RIC1: variants seen among roughly 807,000 people sequenced by gnomAD.
RIC1 encodes RIC1 partner of RAB6A GEF complex.
In RIC1, 88 loss-of-function variants were observed where a neutral mutation model predicts 169.0. The observed-to-expected ratio is 0.52, with a 90% CI of 0.44 to 0.62. The LOEUF is 0.62. Among genes scored for constraint, RIC1 ranks in the 20% least tolerant of loss-of-function variants. RIC1 has a pLI of 0.00. For synonymous variants in RIC1, 790 were observed against 601.5 expected (o/e 1.31, Z -4.59); for missense variants, 1,877 against 1,725.5 (o/e 1.09, Z -1.56).
intron 1 of RIC1, among the ~76,000 whole-genome samples, chr9:5,641,062 G>A (rs1274622557): frequency 4.0e-5 from 6 of 149,136 alleles, no homozygotes; most frequent in African/African-American, 1.5e-4. Flanking sequence ...ACTATCCTTT[G>A]AGAGTTTGTT....
At chr9:5,631,519 C>G (rs546529409) in intron 1 of RIC1, among the ~76,000 whole-genome samples, 1 of 151,888 alleles carries the variant, frequency 6.6e-6, no homozygotes, top group East Asian at 1.9e-4. Flanking sequence ...AATCCCGTCT[C>G]TACTAAAAAT....
chr9:5,723,478 A>G (rs1040494593), intron 6 of RIC1, among the ~76,000 whole-genome samples: 2 of 152,104 alleles, frequency 1.3e-5, no homozygotes, highest in Non-Finnish European at 1.5e-5. Context: ...AGATGGGTAG[A>G]TGGTAAAAAT....
At chr9:5,637,784 A>G (rs1333998637) in intron 1 of RIC1, among the ~76,000 whole-genome samples, 1 of 152,172 alleles carries the variant, frequency 6.6e-6, no homozygotes, top group Non-Finnish European at 1.5e-5. Flanking sequence ...GTTGTAAATG[A>G]CCGGATCTCA....
At chr9:5,740,513 T>C (rs1038426561) in intron 8 of RIC1, among the ~76,000 whole-genome samples, 6 of 151,868 alleles carry the variant, frequency 4.0e-5, no homozygotes, top group African/African-American at 1.2e-4. Flanking sequence ...AATGATCACA[T>C]GATCACAAGG....
intron 6 of RIC1, among the ~76,000 whole-genome samples, chr9:5,723,230 G>C (rs1823723021): frequency 6.6e-6 from 1 of 152,126 alleles, no homozygotes; most frequent in African/African-American, 2.4e-5. Context: ...TGTTTCCTAA[G>C]TTTTTAATGA....
chr9:5,640,039 T>C (rs1311153502), intron 1 of RIC1, among the ~76,000 whole-genome samples: 2 of 152,190 alleles, frequency 1.3e-5, no homozygotes, highest in Non-Finnish European at 2.9e-5. Context: ...TCTCTGTCTT[T>C]TGATTGGAGA....
At chr9:5,634,111 A>G (rs1359215135) in intron 1 of RIC1, among the ~76,000 whole-genome samples, 2 of 152,092 alleles carry the variant, frequency 1.3e-5, no homozygotes, top group African/African-American at 4.8e-5. Flanking sequence ...TGTGTGTGTT[A>G]CATTTTCTTT....
intron 3 of RIC1, among the ~76,000 whole-genome samples, chr9:5,702,995 A>T (rs1332533929): frequency 6.6e-6 from 1 of 152,172 alleles, no homozygotes; most frequent in Non-Finnish European, 1.5e-5. Context: ...AGATTTGTGT[A>T]GGGACAGAGA....
At chr9:5,639,200 C>A (rs142158029) in intron 1 of RIC1, among the ~76,000 whole-genome samples, 1 of 152,152 alleles carries the variant, frequency 6.6e-6, no homozygotes, top group Non-Finnish European at 1.5e-5. Flanking sequence ...CCACTATACC[C>A]GGCCATTTTT....
At chr9:5,704,687 ATT>A (rs1292613214) in intron 3 of RIC1, among the ~76,000 whole-genome samples, 1 of 152,090 alleles carries the variant, frequency 6.6e-6, no homozygotes, top group African/African-American at 2.4e-5. Flanking sequence ...ATGAAGTCCA[ATT>A]TATATATATA....
chr9:5,681,365 T>G (rs893113915), intron 2 of RIC1, among the ~76,000 whole-genome samples: 2 of 152,210 alleles, frequency 1.3e-5, no homozygotes, highest in Non-Finnish European at 2.9e-5. Flanking sequence ...ATGTTGTGTC[T>G]TTGTTCTCGT....
chr9:5,728,038 C>T (rs1447933296), intron 6 of RIC1, among the ~76,000 whole-genome samples: 1 of 152,192 alleles, frequency 6.6e-6, no homozygotes, highest in Non-Finnish European at 1.5e-5. Context: ...ACCTCAGACT[C>T]CGTGCTGGGC....
intron 7 of RIC1, among the ~76,000 whole-genome samples, chr9:5,736,451 C>A (rs1213132215): frequency 2.6e-5 from 4 of 152,100 alleles, no homozygotes; most frequent in African/African-American, 9.7e-5. Flanking sequence ...CTGTAACTGC[C>A]CTTAGTTTTT....
At chr9:5,647,508 G>T (rs937565516) in intron 1 of RIC1, among the ~76,000 whole-genome samples, 3 of 152,170 alleles carry the variant, frequency 2.0e-5, no homozygotes, top group African/African-American at 7.2e-5. Flanking sequence ...TTTCACTGTA[G>T]AAGTCTTTTG....
At chr9:5,631,040 A>G (rs534528089) in intron 1 of RIC1, among the ~76,000 whole-genome samples, 2 of 152,358 alleles carry the variant, frequency 1.3e-5, no homozygotes, top group Admixed American at 6.5e-5. Context: ...ATTTTAAATA[A>G]AAGTAAACAA....
intron 2 of RIC1, among the ~76,000 whole-genome samples, chr9:5,660,412 C>G (rs1819385046): frequency 6.6e-6 from 1 of 152,146 alleles, no homozygotes; most frequent in South Asian, 2.1e-4. Flanking sequence ...GCCTCTAGGT[C>G]TTTGAGGAAT....
intron 12 of RIC1, among the ~76,000 whole-genome samples, chr9:5,751,337 C>G (rs1825711599): frequency 6.6e-6 from 1 of 151,728 alleles, no homozygotes; most frequent in African/African-American, 2.4e-5. Context: ...CTAATTTTAC[C>G]CATCATAGTG....
Position 5,685,067 on chromosome 9 carries a change from G to A in RIC1, c.253-4892G>A, listed in dbSNP as rs1319063961. Among the ~76,000 whole-genome samples the A allele has an allele frequency of 2.6e-5, 4 of 151,708 alleles. No individual in the cohort carries two copies. The South Asian group carries it at 6.2e-4, about 24-fold the overall frequency. ...GTTGAATTTAATTTGCTATAATTTT[G>A]TTTAGAATATGTTAATGAGGGAAGG... is the stretch of plus-strand genomic sequence containing the variant. On this transcript the variant is annotated intron_variant, in intron 2 of 25. Coordinates refer to ENST00000414202, the MANE Select transcript of RIC1 (RefSeq NM_020829.4).
At chr9:5,762,753 G>T in intron 18 of RIC1, 93 bp downstream of exon 18, 4 of 1,435,048 alleles carry the variant, frequency 2.8e-6, no homozygotes, top group Non-Finnish European at 3.7e-6. Context: ...AGTATTTTAT[G>T]ATTTGGAAAG....
Sources: allele counts gnomAD v4.1 joint callset (sites outside exome capture counted in the v4.1 genomes callset), GRCh38; gene constraint gnomAD v4.1.1; transcripts MANE v1.5; gene names NCBI Gene and HGNC (gene_info 2026-07-23, HGNC 2026-07-21).